TENM3: variants seen among roughly 807,000 people sequenced by gnomAD.
The protein encoded by TENM3 is teneurin-3.
TENM3 carries 63 observed loss-of-function variants against 255.1 expected under a neutral mutation model. The ratio of observed to expected loss-of-function variants is 0.25; its 90% CI spans 0.20 to 0.30. TENM3 has a LOEUF of 0.30. Among genes scored for constraint, TENM3 ranks in the 10% least tolerant of loss-of-function variants. The pLI is 1.00. For synonymous variants in TENM3, 1,306 were observed against 1,322.3 expected (o/e 0.99, Z 0.27); for missense variants, 2,929 against 3,461.1 (o/e 0.85, Z 3.86).
the TENM3 span, among the ~76,000 whole-genome samples, chr4:181,464,105 A>G: frequency 2.0e-5 from 3 of 152,240 alleles, no homozygotes; most frequent in Admixed American, 6.5e-5. Context: ...TAATGCTACT[A>G]TGAACATTTG....
At chr4:182,478,538 C>T (rs1733896263) in intron 3 of TENM3, among the ~76,000 whole-genome samples, 1 of 151,620 alleles carries the variant, frequency 6.6e-6, no homozygotes, top group African/African-American at 2.4e-5. Context: ...TTTTTTGTAG[C>T]CCTCACCGTG....
chr4:181,495,004 A>G, the TENM3 span, among the ~76,000 whole-genome samples: 2 of 152,160 alleles, frequency 1.3e-5, no homozygotes, highest in Non-Finnish European at 1.5e-5. Context: ...CTCCAATACT[A>G]TACCCATATT....
intron 1 of TENM3, chr4:182,145,111 T>G (rs1389947973): frequency 3.3e-5 from 5 of 152,168 alleles, no homozygotes; most frequent in Non-Finnish European, 5.9e-5. Context: ...CAGGTCCTCT[T>G]CGGCCCCCGA....
chr4:181,990,126 T>G, the TENM3 span, among the ~76,000 whole-genome samples: 1 of 152,160 alleles, frequency 6.6e-6, no homozygotes, highest in African/African-American at 2.4e-5. Context: ...CTTTTAAGCT[T>G]GTACGTATTT....
At chr4:182,613,994 A>C (rs1189509108) in intron 4 of TENM3, among the ~76,000 whole-genome samples, 1 of 152,200 alleles carries the variant, frequency 6.6e-6, no homozygotes, top group Non-Finnish European at 1.5e-5. Context: ...AAAGTGTAAT[A>C]GATTTGAGAC....
chr4:182,373,005 G>T (rs916274719), intron 3 of TENM3, among the ~76,000 whole-genome samples: 10 of 152,096 alleles, frequency 6.6e-5, no homozygotes, highest in Non-Finnish European at 1.5e-4. Context: ...CTCCCAAAGT[G>T]CTGAGATTAC....
At chr4:182,535,821 T>A (rs73004825) in intron 3 of TENM3, among the ~76,000 whole-genome samples, 1 of 152,122 alleles carries the variant, frequency 6.6e-6, no homozygotes, top group Non-Finnish European at 1.5e-5. Flanking sequence ...CATTATTATA[T>A]GTTAATAATA....
chr4:181,476,018 G>T, the TENM3 span, among the ~76,000 whole-genome samples: 1 of 152,228 alleles, frequency 6.6e-6, no homozygotes, highest in African/African-American at 2.4e-5. Context: ...CTGTTCCCTG[G>T]GGAGGGACAT....
At chr4:181,805,043 C>CCGT in the TENM3 span, among the ~76,000 whole-genome samples, 1 of 152,128 alleles carries the variant, frequency 6.6e-6, no homozygotes, top group African/African-American at 2.4e-5. Flanking sequence ...GCCCCTGCTG[C>CCGT]CGTCATACAG....
the TENM3 span, among the ~76,000 whole-genome samples, chr4:181,707,107 C>T: frequency 5.9e-5 from 9 of 152,170 alleles, no homozygotes; most frequent in Non-Finnish European, 1.3e-4. Context: ...AATGGGTGGG[C>T]TCTTAGAGCC....
At chr4:181,469,550 A>C in the TENM3 span, among the ~76,000 whole-genome samples, 1 of 152,306 alleles carries the variant, frequency 6.6e-6, no homozygotes, top group South Asian at 2.1e-4. Flanking sequence ...AACAGTTTTG[A>C]ATGGCATTAT....
chr4:182,102,291 G>A, the TENM3 span, among the ~76,000 whole-genome samples: 3 of 152,198 alleles, frequency 2.0e-5, no homozygotes, highest in African/African-American at 7.2e-5. Flanking sequence ...GAGTAAGGAA[G>A]CTGGTCTTGA....
intron 2 of TENM3, 148 bp from the exon 3 acceptor site, chr4:182,346,503 G>A (rs768916193): frequency 1.9e-5 from 15 of 780,824 alleles, no homozygotes; most frequent in Non-Finnish European, 2.8e-5. Flanking sequence ...GCCGTGTGAC[G>A]CTACTGTAAA....
chr4:181,474,719 T>C, the TENM3 span, among the ~76,000 whole-genome samples: 1 of 144,642 alleles, frequency 6.9e-6, no homozygotes, highest in Admixed American at 7.1e-5. Flanking sequence ...CAGGTAACAG[T>C]GTGAGACTCC....
At chr4:182,350,268 C>G (rs1765084799) in intron 3 of TENM3, 1 of 152,308 alleles carries the variant, frequency 6.6e-6, no homozygotes, top group Non-Finnish European at 1.5e-5. Context: ...TGTCACACAG[C>G]TCTCTGTTAG....
rs528962379 is a variant in TENM3, at chr4:182,367,016, T to C, written c.511+20087T>C. ...TGTCAAGCTTATAGGCTTGTAATAT[T>C]GGGCTTTACAACAGGGAAACAATCG... On this transcript the variant is annotated intron_variant, in intron 3 of 27. Transcript: ENST00000511685. 5.3e-5 allele frequency among the ~76,000 whole-genome samples: 8 copies of C among 152,262 alleles called. No homozygotes were observed. The South Asian group carries it at 1.5e-3, about 28-fold the overall frequency.
chr4:182,531,888 G>C (rs1221013617), intron 3 of TENM3, among the ~76,000 whole-genome samples: 1 of 152,172 alleles, frequency 6.6e-6, no homozygotes, highest in Non-Finnish European at 1.5e-5. Flanking sequence ...ATGGTGAGCT[G>C]CTCTCATTAG....
chr4:182,591,394 A>G (rs1746635317), intron 3 of TENM3, among the ~76,000 whole-genome samples: 1 of 152,220 alleles, frequency 6.6e-6, no homozygotes. Context: ...CATCTGAGTA[A>G]TACCTTCTAG....
the TENM3 span, among the ~76,000 whole-genome samples, chr4:181,681,002 AT>A: frequency 6.6e-6 from 1 of 152,032 alleles, no homozygotes; most frequent in Non-Finnish European, 1.5e-5. Flanking sequence ...GTCCTTTTTT[AT>A]TTGTTCCTCA....
Sources: gnomAD v4.1 joint callset for allele counts (sites outside exome capture counted in the v4.1 genomes callset) on GRCh38, gnomAD v4.1.1 for gene constraint, MANE v1.5 for transcripts, NCBI Gene and HGNC (gene_info 2026-07-23, HGNC 2026-07-21) for gene names.